The following TNR variants were observed in gnomAD, a reference collection of about 807,000 sequenced individuals.
TNR encodes the protein tenascin-R.
Under a neutral mutation model 150.4 loss-of-function variants are expected in TNR, and 45 were observed. The observed-to-expected ratio is 0.30, with a 90% CI of 0.24 to 0.38. The LOEUF (loss-of-function observed/expected upper bound fraction) is 0.38, where lower values mean the gene tolerates loss of function less well. Among genes scored for constraint, TNR ranks in the 10% least tolerant of loss-of-function variants. The pLI, the probability that TNR is intolerant of heterozygous loss-of-function variation, is 1.00. For missense variants in TNR, 1,544 were observed against 1,759.1 expected (o/e 0.88, Z 2.19); for synonymous variants, 687 against 678.4 (o/e 1.01, Z -0.20).
chr1:175,324,244 T>G, intron 22 of TNR, 112 bp downstream of exon 22: 4 of 1,199,204 alleles, frequency 3.3e-6, no homozygotes, highest in Non-Finnish European at 4.6e-6. Flanking sequence ...ACTCAAAATA[T>G]TTCTTTTTAA....
chr1:175,440,630 T>C lies in TNR; in HGVS notation c.-63-33853A>G, dbSNP rs1331725011. 3.3e-5 allele frequency among the ~76,000 whole-genome samples: 5 copies of C among 151,922 alleles called. No homozygotes were observed. The South Asian group carries it at 8.3e-4, about 25-fold the overall frequency. ...AAAGGAGAATGAGTAGGAGGGACTA[T>C]TGAAGTGAGAGGGGAACCAAAAGAG... On this transcript the variant is annotated intron_variant, in intron 2 of 22. Coordinates refer to ENST00000367674, the MANE Select transcript of TNR (RefSeq NM_003285.3).
intron 1 of TNR, among the ~76,000 whole-genome samples, chr1:175,655,462 T>C (rs905679511): frequency 7.9e-5 from 12 of 152,154 alleles, no homozygotes; most frequent in Non-Finnish European, 1.5e-4. Context: ...GTCACTTAGG[T>C]AGTAATTGGC....
chr1:175,663,306 G>C (rs769097184), intron 1 of TNR, among the ~76,000 whole-genome samples: 5 of 152,176 alleles, frequency 3.3e-5, no homozygotes, highest in Non-Finnish European at 5.9e-5. Context: ...TCACTGCAAG[G>C]GTTCATTCCC....
At chr1:175,480,465 A>AGAAAGAAAG (rs1557959808) in intron 2 of TNR, among the ~76,000 whole-genome samples, 1 of 142,322 alleles carries the variant, frequency 7.0e-6, no homozygotes, top group African/African-American at 2.7e-5. Context: ...AAGAAAAGAA[A>AGAAAGAAAG]AAAAGAAAAG....
intron 5 of TNR, among the ~76,000 whole-genome samples, 158 bp downstream of exon 5, chr1:175,396,386 C>G (rs1221363353): frequency 6.6e-6 from 1 of 152,218 alleles, no homozygotes; most frequent in Non-Finnish European, 1.5e-5. Context: ...TAATGATGTA[C>G]CCTTTCTAAA....
chr1:175,384,616 A>G (rs1652841817), intron 8 of TNR, among the ~76,000 whole-genome samples: 1 of 152,142 alleles, frequency 6.6e-6, no homozygotes, highest in African/African-American at 2.4e-5. Context: ...TGCTGGAGAA[A>G]ATGAGCTTAC....
intron 2 of TNR, among the ~76,000 whole-genome samples, chr1:175,464,863 G>A (rs554388509): frequency 3.2e-4 from 48 of 152,186 alleles, no homozygotes; most frequent in African/African-American, 1.1e-3. Flanking sequence ...TGAAAATGCA[G>A]GGCTTAAGGA....
chr1:175,697,170 T>G (rs922662789), intron 1 of TNR, among the ~76,000 whole-genome samples: 1 of 151,810 alleles, frequency 6.6e-6, no homozygotes, highest in African/African-American at 2.4e-5. Flanking sequence ...AGAAGAGCTT[T>G]TATTCATTAT....
chr1:175,436,707 C>G (rs1015995265), intron 2 of TNR, among the ~76,000 whole-genome samples: 1 of 151,578 alleles, frequency 6.6e-6, no homozygotes, highest in East Asian at 1.9e-4. Flanking sequence ...AATGGAAAAC[C>G]AAAAAAAGGC....
Position 175,396,826 on chromosome 1 carries a change from C to G in TNR, c.977-19G>C, listed in dbSNP as rs755642583. ...GGGGCAACTACCGGGAGGCAATACA[C>G]AGATAGCATGAGCTCAGAGGATTGC... is the stretch of plus-strand genomic sequence containing the variant. On this transcript the variant is annotated intron_variant, in intron 4 of 22. Coordinates refer to ENST00000367674, the MANE Select transcript of TNR (RefSeq NM_003285.3). 1.9e-6 allele frequency: 3 copies of G among 1,606,622 alleles called. 1 individual carries two copies. Among genetic ancestry groups the G allele is most frequent in the Non-Finnish European group, 2.6e-6 (3 of 1,174,776 alleles).
Position 175,359,740 on chromosome 1 carries a change from G to T in TNR, c.2855-9C>A. ...CACAGGGTTGTCCATGGCTGAAACA[G>T]AATAGATTATCAGTTACAGATAAGA... On this transcript the variant is annotated splice_polypyrimidine_tract_variant and intron_variant, in intron 14 of 22. Transcript: ENST00000367674. 1 of 1,603,650 alleles carries T rather than the reference G, an allele frequency of 6.2e-7. No homozygotes were observed. The highest frequency in any genetic ancestry group is 8.5e-7 in the Non-Finnish European group (1 of 1,175,046).
At chr1:175,614,696 G>T (rs889819482) in intron 1 of TNR, among the ~76,000 whole-genome samples, 3 of 152,262 alleles carry the variant, frequency 2.0e-5, no homozygotes, top group East Asian at 1.9e-4. Flanking sequence ...GTCCCCCAGG[G>T]CTCCCCTGCC....
At chr1:175,620,433 C>T (rs1000362922) in intron 1 of TNR, among the ~76,000 whole-genome samples, 2 of 152,186 alleles carry the variant, frequency 1.3e-5, no homozygotes, top group African/African-American at 2.4e-5. Context: ...TAACCTCAAC[C>T]GCCTTTCCCT....
At chr1:175,375,840 G>A (rs78626899) in intron 9 of TNR, among the ~76,000 whole-genome samples, 5 of 152,176 alleles carry the variant, frequency 3.3e-5, no homozygotes, top group East Asian at 1.9e-4. Flanking sequence ...AGTGCTTACT[G>A]TGTGCCAGGC....
chr1:175,596,348 A>G (rs113038641), intron 1 of TNR, among the ~76,000 whole-genome samples: 233 of 152,180 alleles, frequency 1.5e-3, no homozygotes, highest in African/African-American at 5.4e-3. Flanking sequence ...ACCACTTTCT[A>G]CCAGTTCGCA....
chr1:175,393,580 G>A (rs1653279491), intron 6 of TNR, among the ~76,000 whole-genome samples, 200 bp downstream of exon 6: 1 of 152,154 alleles, frequency 6.6e-6, no homozygotes, highest in Non-Finnish European at 1.5e-5. Context: ...CATGCTCAGG[G>A]CTACTCTTGT....
chr1:175,486,460 C>CT (rs1658021038), intron 2 of TNR, among the ~76,000 whole-genome samples: 1 of 152,198 alleles, frequency 6.6e-6, no homozygotes, highest in Admixed American at 6.5e-5. Flanking sequence ...TGAACTCATC[C>CT]TTTTTTATGG....
At chr1:175,687,035 A>G (rs934310052) in intron 1 of TNR, among the ~76,000 whole-genome samples, 1 of 152,072 alleles carries the variant, frequency 6.6e-6, no homozygotes, top group South Asian at 2.1e-4. Flanking sequence ...ATTCTAGATT[A>G]TTTTCCCTGA....
intron 2 of TNR, among the ~76,000 whole-genome samples, chr1:175,414,062 T>G (rs1037043178): frequency 6.6e-6 from 1 of 151,506 alleles, no homozygotes; most frequent in Non-Finnish European, 1.5e-5. Flanking sequence ...GAGGCTGCAG[T>G]GAGCTGAGAT....
Sources: allele counts gnomAD v4.1 joint callset (sites outside exome capture counted in the v4.1 genomes callset), GRCh38; gene constraint gnomAD v4.1.1; transcripts MANE v1.5; gene names NCBI Gene and HGNC (gene_info 2026-07-23, HGNC 2026-07-21).